The following CACNG3 variants were observed in gnomAD, a reference collection of about 807,000 sequenced individuals.
CACNG3 encodes the protein calcium voltage-gated channel auxiliary subunit gamma 3.
Under a neutral mutation model 28.5 loss-of-function variants are expected in CACNG3, and 3 were observed. The ratio of observed to expected loss-of-function variants is 0.11; its 90% CI spans 0.05 to 0.27. The LOEUF is 0.27. CACNG3 is among the 10% of genes least tolerant of loss of function. The pLI, the probability that CACNG3 is intolerant of heterozygous loss-of-function variation, is 1.00. For synonymous variants in CACNG3, 174 were observed against 162.2 expected, an observed-to-expected ratio of 1.07 and a Z score of -0.55; for missense variants, 236 against 414.4, an observed-to-expected ratio of 0.57 and a Z score of 3.74.
rs200150777 is a variant in CACNG3 at position 24,332,015 on chromosome 16, G to A, written c.212-14719G>A. The stretch of plus-strand genomic sequence containing the variant: ...AAATTATCTTTTCCTTTTTAGTGAT[G>A]CATTTGTTTCATTTATTTCTTTGTT... On this transcript the variant is annotated intron_variant, in intron 1 of 3. Coordinates refer to ENST00000005284, the MANE Select transcript of CACNG3 (RefSeq NM_006539.4). Among the ~76,000 whole-genome samples, 8 of 152,068 alleles carry A rather than the reference G, an allele frequency of 5.3e-5. No homozygotes were observed. In the East Asian group the frequency reaches 1.4e-3, roughly 26 times the overall value.
At chr16:24,351,661 C>CAAAAGAAA (rs1555462397) in intron 2 of CACNG3, among the ~76,000 whole-genome samples, 1 of 111,092 alleles carries the variant, frequency 9.0e-6, no homozygotes, top group South Asian at 3.8e-4. Context: ...GAAAGACAGA[C>CAAAAGAAA]GAAAGAAAGA....
intron 1 of CACNG3, among the ~76,000 whole-genome samples, chr16:24,304,935 G>A (rs1899165293): frequency 6.6e-6 from 1 of 152,206 alleles, no homozygotes; most frequent in Non-Finnish European, 1.5e-5. Flanking sequence ...GCAAAAACAA[G>A]ATGTCAATCA....
chr16:24,332,749 G>A (rs1256693210), intron 1 of CACNG3, among the ~76,000 whole-genome samples: 6 of 151,916 alleles, frequency 3.9e-5, no homozygotes, highest in South Asian at 2.1e-4. Flanking sequence ...ATTCATGACC[G>A]GACCAGTTAT....
chr16:24,283,714 A>G (rs1475854989), intron 1 of CACNG3, among the ~76,000 whole-genome samples: 1 of 152,174 alleles, frequency 6.6e-6, no homozygotes, highest in Non-Finnish European at 1.5e-5. Flanking sequence ...GTCAAAGACC[A>G]CCTTGCTTTT....
chr16:24,336,502 C>T (rs910834490), intron 1 of CACNG3, among the ~76,000 whole-genome samples: 46 of 151,812 alleles, frequency 3.0e-4, no homozygotes, highest in African/African-American at 9.2e-4. Context: ...GTCTCGATAT[C>T]CTGACCCTGT....
chr16:24,281,047 G>A (rs553143246), intron 1 of CACNG3, among the ~76,000 whole-genome samples: 53 of 152,174 alleles, frequency 3.5e-4, no homozygotes, highest in African/African-American at 1.2e-3. Flanking sequence ...GGCTATATGC[G>A]GGGACCAAAT....
At chr16:24,281,977 A>G (rs73552392) in intron 1 of CACNG3, among the ~76,000 whole-genome samples, 2,010 of 152,276 alleles carry the variant, frequency 0.013, 37 homozygotes, top group African/African-American at 0.046. Flanking sequence ...TGGAGCCACT[A>G]TGCAAATTCA....
intron 1 of CACNG3, among the ~76,000 whole-genome samples, chr16:24,285,641 C>A (rs570794424): frequency 2.0e-5 from 3 of 152,056 alleles, no homozygotes; most frequent in South Asian, 4.2e-4. Flanking sequence ...CATGGTGAGA[C>A]CCTGTCTCTA....
chr16:24,304,530 T>A (rs934895818), intron 1 of CACNG3, among the ~76,000 whole-genome samples: 1 of 152,124 alleles, frequency 6.6e-6, no homozygotes, highest in African/African-American at 2.4e-5. Flanking sequence ...CTACCAGCCC[T>A]GGGAGTGCGC....
rs141542911 is a variant in CACNG3 at position 24,259,741 on chromosome 16, G to A, written c.211+2776G>A. On this transcript the variant is annotated intron_variant, in intron 1 of 3. Transcript: ENST00000005284. The stretch of plus-strand genomic sequence containing the variant: ...TAGAAGTAGGAGCTAGAGGAAACCA[G>A]GTTTTACCTCAATATAAATAACTAT... 1.6e-3 allele frequency among the ~76,000 whole-genome samples: 244 copies of A among 152,236 alleles called. 1 individual carries two copies. The highest frequency in any genetic ancestry group is 5.6e-3 in the African/African-American group (233 of 41,548).
chr16:24,344,157 C>T (rs148272397), intron 1 of CACNG3, among the ~76,000 whole-genome samples: 137 of 152,238 alleles, frequency 9.0e-4, no homozygotes, highest in Non-Finnish European at 1.5e-3. Flanking sequence ...TGTGGCCAGG[C>T]GCAGTGGCTC....
intron 1 of CACNG3, among the ~76,000 whole-genome samples, chr16:24,280,386 T>C (rs1426801279): frequency 6.6e-6 from 1 of 152,226 alleles, no homozygotes; most frequent in Admixed American, 6.5e-5. Context: ...TTCTCAACCA[T>C]AATTTGGAAA....
At chr16:24,295,855 A>G (rs964594977) in intron 1 of CACNG3, among the ~76,000 whole-genome samples, 1 of 150,748 alleles carries the variant, frequency 6.6e-6, no homozygotes, top group East Asian at 1.9e-4. Context: ...CTCAAAACAA[A>G]CAAACAAACA....
intron 1 of CACNG3, among the ~76,000 whole-genome samples, chr16:24,286,531 G>T (rs1898897145): frequency 6.6e-6 from 1 of 152,052 alleles, no homozygotes; most frequent in Non-Finnish European, 1.5e-5. Flanking sequence ...CTGAATTTCA[G>T]TCATTCCTAG....
At chr16:24,292,920 C>A (rs144100433) in intron 1 of CACNG3, among the ~76,000 whole-genome samples, 17 of 152,194 alleles carry the variant, frequency 1.1e-4, no homozygotes, top group Non-Finnish European at 2.4e-4. Context: ...GATGTGAACA[C>A]CAATGTGTTG....
chr16:24,288,526 T>C (rs571874155), intron 1 of CACNG3, among the ~76,000 whole-genome samples: 14 of 152,290 alleles, frequency 9.2e-5, no homozygotes, highest in South Asian at 8.3e-4. Flanking sequence ...CTTCTAAATG[T>C]GGTGTCATGC....
rs143776826 is a variant in CACNG3 at position 24,319,607 on chromosome 16, TA to T, written c.212-27126del. Reference sequence around the variant, plus strand: ...CATGCCTGGCTTTTATTTATTTATTTATTTATTTAATTTATTTATTTATTTT... The same window carrying T: ...CATGCCTGGCTTTTATTTATTTATTTTTTATTTAATTTATTTATTTATTTT... On this transcript the variant is annotated intron_variant, in intron 1 of 3. Transcript: ENST00000005284. Among the ~76,000 whole-genome samples the T allele has an allele frequency of 1.3e-4, 9 of 67,058 alleles. 1 individual carries two copies. Among genetic ancestry groups the T allele is most frequent in the Admixed American group, 7.6e-4 (6 of 7,864 alleles). The allele number at this position is 67,058 out of a possible 152,430, so 44.0% of individuals were successfully genotyped here. A position where few individuals can be genotyped will look rare whatever the true frequency, so the allele number is the denominator to read the frequency against.
rs118123390 is a variant in CACNG3 at position 24,265,267 on chromosome 16, G to A, written c.211+8302G>A. Among the ~76,000 whole-genome samples the A allele has an allele frequency of 8.4e-4, 122 of 146,066 alleles. 2 individuals carry two copies. In the East Asian group the frequency reaches 0.019, roughly 23 times the overall value. On this transcript the variant is annotated intron_variant, in intron 1 of 3. Coordinates refer to ENST00000005284, the MANE Select transcript of CACNG3 (RefSeq NM_006539.4). ...AGAAAGAAAGAAAAAGAAAAGAAGC[G>A]AGAGAAGGAAGGAAGGAAGGGAGGA...
chr16:24,361,391 C>T lies in CACNG3; in HGVS notation c.476C>T (p.Ala159Val). Reference protein sequence around the residue: ...NIIGIIVYISANAGDPGQRDS... With the variant: ...NIIGIIVYISVNAGDPGQRDS... Reference sequence around the variant, plus strand: ...ATTGGCATCATAGTTTATATATCAGCCAACGCCGGAGACCCCGGGCAGCGT... The same window carrying T: ...ATTGGCATCATAGTTTATATATCAGTCAACGCCGGAGACCCCGGGCAGCGT... The change falls in exon 4 of 4, where the codon GCC becomes GTC. Residue 159 changes from alanine to valine, a missense_variant. Coordinates refer to ENST00000005284, the MANE Select transcript of CACNG3 (RefSeq NM_006539.4). The surrounding 1 kb of genome is among the most constrained non-coding windows in gnomAD (Gnocchi z 6.8). The T allele has an allele frequency of 6.2e-7, 1 of 1,611,252 alleles. No homozygotes were observed. Among genetic ancestry groups the T allele is most frequent in the Non-Finnish European group, 8.5e-7 (1 of 1,178,952 alleles).
Sources: gnomAD v4.1 joint callset for allele counts (sites outside exome capture counted in the v4.1 genomes callset) on GRCh38, gnomAD v4.1.1 for gene constraint, Gnocchi (gnomAD v3.1) non-coding constraint, MANE v1.5 for transcripts, NCBI Gene and HGNC (gene_info 2026-07-23, HGNC 2026-07-21) for gene names.